IL1RAPL2: variants seen among roughly 807,000 people sequenced by gnomAD.
The protein encoded by IL1RAPL2 is X-linked interleukin-1 receptor accessory protein-like 2.
A neutral mutation model predicts 44.1 loss-of-function variants in IL1RAPL2; 3 were observed. The ratio of observed to expected loss-of-function variants is 0.07; its 90% CI spans 0.03 to 0.18. The LOEUF (loss-of-function observed/expected upper bound fraction) is 0.18. Ranked by LOEUF, IL1RAPL2 falls within the 10% of genes least tolerant of loss-of-function variation. IL1RAPL2 has a pLI of 1.00. For synonymous variants in IL1RAPL2, 181 were observed against 178.8 expected, an observed-to-expected ratio of 1.01 and a Z score of -0.10; for missense variants, 391 against 496.4, an observed-to-expected ratio of 0.79 and a Z score of 2.02.
intron 1 of IL1RAPL2, among the ~76,000 whole-genome samples, chrX:104,600,177 G>T (rs1005207538): frequency 2.7e-5 from 3 of 111,886 alleles, no homozygotes; most frequent in Non-Finnish European, 5.6e-5. Flanking sequence ...AAATACAAAA[G>T]AATTAGTGTT....
intron 5 of IL1RAPL2, among the ~76,000 whole-genome samples, chrX:105,338,149 T>C (rs1376474152): frequency 1.8e-5 from 2 of 111,929 alleles, no homozygotes; most frequent in Admixed American, 9.5e-5. Context: ...AGGGCTGGGC[T>C]GTCCATGCTA....
At chrX:105,234,875 A>C (rs1223456496) in intron 4 of IL1RAPL2, among the ~76,000 whole-genome samples, 6 of 110,221 alleles carry the variant, frequency 5.4e-5, no homozygotes, top group Non-Finnish European at 1.1e-4. Flanking sequence ...AGGCTTGAAG[A>C]AATCAATAAA....
intron 4 of IL1RAPL2, among the ~76,000 whole-genome samples, chrX:105,246,915 T>C (rs1360895992): frequency 9.0e-6 from 1 of 111,345 alleles, no homozygotes; most frequent in Non-Finnish European, 1.9e-5. Flanking sequence ...TCAGGTGCTC[T>C]CAGCCCTCCT....
chrX:104,825,620 T>A (rs1219554588), intron 2 of IL1RAPL2, among the ~76,000 whole-genome samples: 1 of 112,405 alleles, frequency 8.9e-6, no homozygotes, highest in Non-Finnish European at 1.9e-5. Context: ...ATAATGTTTT[T>A]AAATTTAGTT....
intron 2 of IL1RAPL2, among the ~76,000 whole-genome samples, chrX:105,128,731 G>C (rs1297093037): frequency 9.0e-6 from 1 of 111,066 alleles, no homozygotes; most frequent in Non-Finnish European, 1.9e-5. Flanking sequence ...CTTGCTTCTA[G>C]TTTTCCTTGC....
At chrX:104,946,552 C>A (rs1287478007) in intron 2 of IL1RAPL2, among the ~76,000 whole-genome samples, 3 of 81,394 alleles carry the variant, frequency 3.7e-5, no homozygotes, top group Non-Finnish European at 4.7e-5. Context: ...TCTCCCAATG[C>A]TATCCCTCCC....
chrX:105,243,543 GTGTGTATATATATATATA>G (rs1291814594), intron 4 of IL1RAPL2, among the ~76,000 whole-genome samples: 2 of 75,406 alleles, frequency 2.7e-5, no homozygotes, highest in African/African-American at 3.2e-4. Flanking sequence ...ATATATATAT[GTGTGTATATATATATATA>G]TGTGTGTATA....
At chrX:105,447,377 A>C (rs1378179782) in intron 5 of IL1RAPL2, among the ~76,000 whole-genome samples, 1 of 68,521 alleles carries the variant, frequency 1.5e-5, no homozygotes, top group Non-Finnish European at 2.3e-5. Flanking sequence ...ATAAATATAT[A>C]AATATATAAA....
At chrX:105,175,375 C>T (rs2033463074) in intron 2 of IL1RAPL2, among the ~76,000 whole-genome samples, 1 of 111,076 alleles carries the variant, frequency 9.0e-6, no homozygotes, top group Non-Finnish European at 1.9e-5. Flanking sequence ...ATAGAAATAA[C>T]AGTGATGCTT....
intron 5 of IL1RAPL2, among the ~76,000 whole-genome samples, chrX:105,323,602 G>A (rs756066928): frequency 2.4e-4 from 27 of 111,684 alleles, no homozygotes; most frequent in Non-Finnish European, 4.1e-4. Flanking sequence ...TCAGCCAGGC[G>A]CGGTGGCTCA....
chrX:105,627,639 T>C (rs769808320), intron 6 of IL1RAPL2, among the ~76,000 whole-genome samples: 1 of 112,285 alleles, frequency 8.9e-6, no homozygotes, highest in Non-Finnish European at 1.9e-5. Context: ...TAAGAATTTA[T>C]GTTGTTACTA....
intron 2 of IL1RAPL2, among the ~76,000 whole-genome samples, chrX:104,879,279 A>C (rs1412035219): frequency 5.6e-5 from 6 of 107,515 alleles, no homozygotes; most frequent in Non-Finnish European, 1.2e-4. Context: ...CTTTCTTTTT[A>C]TGTTTTTAAT....
chrX:105,066,805 G>T (rs1271313032), intron 2 of IL1RAPL2, among the ~76,000 whole-genome samples: 1 of 111,847 alleles, frequency 8.9e-6, no homozygotes, highest in Non-Finnish European at 1.9e-5. Flanking sequence ...TTGCTTTAAA[G>T]CTAAGACAGA....
At chrX:104,759,380 T>C (rs1158458962) in intron 2 of IL1RAPL2, among the ~76,000 whole-genome samples, 3 of 111,914 alleles carry the variant, frequency 2.7e-5, no homozygotes, top group Non-Finnish European at 5.7e-5. Context: ...ATCTACTACT[T>C]GGACAATTTG....
intron 6 of IL1RAPL2, among the ~76,000 whole-genome samples, chrX:105,637,035 A>G (rs914977182): frequency 7.2e-5 from 8 of 111,268 alleles, no homozygotes; most frequent in African/African-American, 2.6e-4. Context: ...CTATTGGGTC[A>G]TAGGAGAAGA....
At chrX:105,162,535 T>C (rs2033334780) in intron 2 of IL1RAPL2, among the ~76,000 whole-genome samples, 1 of 112,254 alleles carries the variant, frequency 8.9e-6, no homozygotes, top group African/African-American at 3.2e-5. Context: ...AGGACAAAGA[T>C]GTTTCATCAT....
At chrX:105,572,765 T>C (rs866725073) in intron 6 of IL1RAPL2, among the ~76,000 whole-genome samples, 4 of 112,139 alleles carry the variant, frequency 3.6e-5, no homozygotes, top group Admixed American at 1.9e-4. Context: ...AACAGTTCTG[T>C]TTGTATGACC....
chrX:105,764,821 T>A (rs771532675), intron 10 of IL1RAPL2, among the ~76,000 whole-genome samples: 18 of 110,930 alleles, frequency 1.6e-4, no homozygotes, highest in Non-Finnish European at 3.4e-4. Flanking sequence ...AATAAAAAAA[T>A]AAAATAAAAG....
chrX:105,620,558 T>C (rs931676831), intron 6 of IL1RAPL2, among the ~76,000 whole-genome samples: 6 of 110,383 alleles, frequency 5.4e-5, no homozygotes, highest in African/African-American at 2.0e-4. Flanking sequence ...GCTAAGTAAC[T>C]TAGCCAAAAT....
Sources: allele counts gnomAD v4.1 joint callset (sites outside exome capture counted in the v4.1 genomes callset), GRCh38; gene constraint gnomAD v4.1.1; transcripts MANE v1.5; gene names NCBI Gene and HGNC (gene_info 2026-07-23, HGNC 2026-07-21).